The following PTPRO variants were observed in gnomAD, a reference collection of about 807,000 sequenced individuals.
PTPRO encodes protein tyrosine phosphatase receptor type O, also known as receptor-type tyrosine-protein phosphatase O.
Under a neutral mutation model 145.2 loss-of-function variants are expected in PTPRO, and 62 were observed. The observed-to-expected ratio is 0.43, with a 90% confidence interval of 0.35 to 0.53. The LOEUF (loss-of-function observed/expected upper bound fraction) is 0.53, where lower values mean the gene tolerates loss of function less well. PTPRO is among the 20% of genes least tolerant of loss of function. The probability of loss-of-function intolerance (pLI) is 0.01; values close to 1 mark genes in which losing one functional copy is unlikely to be tolerated. For missense variants in PTPRO, 1,345 were observed against 1,482.7 expected, an observed-to-expected ratio of 0.91 and a Z score of 1.53; for synonymous variants, 565 against 514.7, an observed-to-expected ratio of 1.10 and a Z score of -1.32.
intron 19 of PTPRO, among the ~76,000 whole-genome samples, chr12:15,573,786 G>C (rs779747398): frequency 6.6e-6 from 1 of 152,070 alleles, no homozygotes; most frequent in South Asian, 2.1e-4. Flanking sequence ...TCAGCGTCAG[G>C]GTTTCCTCAT....
chr12:15,570,013 TG>T (rs1944004845), intron 19 of PTPRO, among the ~76,000 whole-genome samples: 1 of 152,212 alleles, frequency 6.6e-6, no homozygotes, highest in African/African-American at 2.4e-5. Flanking sequence ...TTTCTTTCCT[TG>T]GACAAATTGG....
intron 1 of PTPRO, among the ~76,000 whole-genome samples, chr12:15,461,736 T>G (rs1941307883): frequency 6.6e-6 from 1 of 151,694 alleles, no homozygotes; most frequent in Non-Finnish European, 1.5e-5. Context: ...TCTGGCTAAT[T>G]TTTGTATTTT....
Position 15,501,629 on chromosome 12 carries a change from C to T in PTPRO, c.671C>T (p.Pro224Leu). The T allele has an allele frequency of 6.2e-7, 1 of 1,612,992 alleles. No homozygotes were observed. Among genetic ancestry groups the T allele is most frequent in the Non-Finnish European group, 8.5e-7 (1 of 1,179,130 alleles). Residue 224 changes from proline (P) to leucine (L), a missense_variant, in exon 5 of 27, where the codon CCA becomes CTA. By Grantham distance (98) the Pro-to-Leu change is moderately conservative. This residue lies in a region of PTPRO where 1,130 missense variants were observed against 1,214.7 expected (regional missense o/e 0.93). Coordinates refer to ENST00000281171, the MANE Select transcript of PTPRO (RefSeq NM_030667.3). Reference sequence around the variant, plus strand: ...ATTCTCTCTCTTACAGCCCCTTATCCACCTCAAAATATTTCCGTTCGTATC... The same window carrying T: ...ATTCTCTCTCTTACAGCCCCTTATCTACCTCAAAATATTTCCGTTCGTATC... Reference protein sequence around the residue: ...EPKQHRTAPYPPQNISVRIVN... With the variant: ...EPKQHRTAPYLPQNISVRIVN...
rs779739888 is a variant in PTPRO at position 15,501,821 on chromosome 12, G to C, written c.863G>C (p.Ser288Thr). 6.2e-7 allele frequency: 1 copy of C among 1,614,056 alleles called. No homozygotes were observed. The highest frequency in any genetic ancestry group is 1.7e-5 in the Admixed American group (1 of 60,008). ...NISSGWPDFN[S>T]SDYETTSQPY... ...TCTTCCGGTTGGCCTGATTTTAATA[G>C]CAGTGACTATGAAACTACGTCTCAG... The change falls in exon 5 of 27, where the codon AGC becomes ACC. Residue 288 changes from serine (S) to threonine (T), a missense_variant. By Grantham distance (58) the Ser-to-Thr change is moderately conservative (BLOSUM62 1). Around this residue, in one of 3 missense-constraint regions of PTPRO, gnomAD observed 1,130 missense variants for 1,214.7 expected, o/e 0.93. Transcript: ENST00000281171.
At chr12:15,415,629 C>T (rs905126025) in intron 1 of PTPRO, among the ~76,000 whole-genome samples, 1 of 151,744 alleles carries the variant, frequency 6.6e-6, no homozygotes, top group East Asian at 1.9e-4. Context: ...TTGTGATCCG[C>T]CCACCCTGGC....
rs186804730 is a variant in PTPRO at position 15,423,894 on chromosome 12, T to C, written c.76-60080T>C. Among the ~76,000 whole-genome samples, 7 of 152,326 alleles carry C rather than the reference T, an allele frequency of 4.6e-5. No individual in the cohort carries two copies. In the East Asian group the frequency reaches 9.6e-4, roughly 21 times the overall value. On this transcript the variant is annotated intron_variant, in intron 1 of 26. Transcript: ENST00000281171. ...ATGATGCAATGGGGAGAACTTATTG[T>C]AGCTCCATCCTGTCCTTTAACTTTC... is the stretch of plus-strand genomic sequence containing the variant.
At chr12:15,441,774 AAC>A (rs1332365273) in intron 1 of PTPRO, among the ~76,000 whole-genome samples, 6 of 152,150 alleles carry the variant, frequency 3.9e-5, no homozygotes, top group Non-Finnish European at 8.8e-5. Context: ...AATTCTGGGA[AAC>A]ACACAATTTC....
intron 1 of PTPRO, among the ~76,000 whole-genome samples, chr12:15,431,728 T>G (rs115498490): frequency 0.034 from 5,199 of 152,208 alleles, 114 homozygotes; most frequent in African/African-American, 0.053. Context: ...CTTTGGAAAA[T>G]ATTAATATTA....
intron 19 of PTPRO, 99 bp downstream of exon 19, chr12:15,569,597 A>T: frequency 3.7e-6 from 4 of 1,071,518 alleles, no homozygotes; most frequent in Non-Finnish European, 5.7e-6. Flanking sequence ...GGCAGTGCGT[A>T]ACAAAAAGGG....
intron 15 of PTPRO, among the ~76,000 whole-genome samples, chr12:15,552,058 T>TG (rs1486702491): frequency 4.6e-5 from 5 of 107,764 alleles, no homozygotes; most frequent in East Asian, 6.8e-4. Flanking sequence ...AAGAACGGGG[T>TG]GGGGGGCGGG....
chr12:15,569,497 A>G lies in PTPRO; in HGVS notation c.2828A>G (p.Glu943Gly). The G allele has an allele frequency of 6.2e-7, 1 of 1,610,794 alleles. No homozygotes were observed. Among genetic ancestry groups the G allele is most frequent in the Non-Finnish European group, 8.5e-7 (1 of 1,177,130 alleles). The change falls in exon 19 of 27, where the codon GAG becomes GGG. Residue 943 changes from glutamate to glycine, a missense_variant and splice_region_variant. Around this residue, in one of 3 missense-constraint regions of PTPRO, gnomAD observed 1,130 missense variants for 1,214.7 expected, o/e 0.93. Transcript: ENST00000281171. ...GACTATAAATTTTCTCTTCAGTTTGAGGTGAGTTGGTTAAGGCATTTTCTA... is the reference window on the plus strand; with the variant it reads ...GACTATAAATTTTCTCTTCAGTTTGGGGTGAGTTGGTTAAGGCATTTTCTA... ...DSDYKFSLQFEELKLIGLDIP... is the reference protein window; with the variant it reads ...DSDYKFSLQFGELKLIGLDIP...
chr12:15,420,840 A>G (rs1428482332), intron 1 of PTPRO, among the ~76,000 whole-genome samples: 1 of 152,102 alleles, frequency 6.6e-6, no homozygotes, highest in African/African-American at 2.4e-5. Flanking sequence ...AATAGTTTCT[A>G]CCTCACGGGG....
chr12:15,437,259 A>T (rs1241226145), intron 1 of PTPRO, among the ~76,000 whole-genome samples: 1 of 151,670 alleles, frequency 6.6e-6, no homozygotes, highest in Non-Finnish European at 1.5e-5. Flanking sequence ...GCCCAGGAAG[A>T]TCTCCAGGCA....
At chr12:15,533,087 G>C (rs946505098) in intron 12 of PTPRO, among the ~76,000 whole-genome samples, 10 of 152,126 alleles carry the variant, frequency 6.6e-5, no homozygotes, top group Non-Finnish European at 2.9e-5. Context: ...TAGTACAACT[G>C]TATCTACATA....
chr12:15,512,652 T>C (rs1485475394), intron 7 of PTPRO, among the ~76,000 whole-genome samples: 1 of 152,208 alleles, frequency 6.6e-6, no homozygotes, highest in Non-Finnish European at 1.5e-5. Context: ...TAATATTGCT[T>C]AGTTGTGGAT....
chr12:15,418,956 T>G (rs915890997), intron 1 of PTPRO, among the ~76,000 whole-genome samples: 1 of 151,712 alleles, frequency 6.6e-6, no homozygotes, highest in Non-Finnish European at 1.5e-5. Context: ...TGACACTTTT[T>G]TAAAGCTTCA....
intron 12 of PTPRO, among the ~76,000 whole-genome samples, chr12:15,539,225 A>C (rs1943128456): frequency 6.6e-6 from 1 of 152,024 alleles, no homozygotes; most frequent in Non-Finnish European, 1.5e-5. Flanking sequence ...TTATGTGGGT[A>C]ATGAATACCC....
intron 6 of PTPRO, among the ~76,000 whole-genome samples, chr12:15,508,317 A>G (rs535780313): frequency 1.3e-5 from 2 of 152,286 alleles, no homozygotes; most frequent in South Asian, 4.1e-4. Context: ...GAATACTCTC[A>G]CATGCACACG....
chr12:15,467,869 G>A (rs253815), intron 1 of PTPRO, among the ~76,000 whole-genome samples: 140,896 of 152,200 alleles, frequency 0.93, 66,011 homozygotes, highest in East Asian at 1. Flanking sequence ...ATTTGTGAAC[G>A]TTGGGACTCA....
Sources: gnomAD v4.1 joint callset for allele counts (sites outside exome capture counted in the v4.1 genomes callset) on GRCh38, gnomAD v4.1.1 for gene constraint, gnomAD v4.1.1 regional missense constraint, MANE v1.5 for transcripts, NCBI Gene and HGNC (gene_info 2026-07-23, HGNC 2026-07-21) for gene names.